Variants in NTNG1 observed in about 807,000 individuals in gnomAD.
NTNG1 encodes netrin G1, also known as netrin-G1.
NTNG1 carries 16 observed loss-of-function variants against 54.0 expected under a neutral mutation model. The observed-to-expected ratio is 0.30, with a 90% CI of 0.20 to 0.45. The LOEUF (loss-of-function observed/expected upper bound fraction) is 0.45. Ranked by LOEUF, NTNG1 falls within the 20% of genes least tolerant of loss-of-function variation. The pLI is 1.00. For synonymous variants in NTNG1, 255 were observed against 263.1 expected, an observed-to-expected ratio of 0.97 and a Z score of 0.30; for missense variants, 530 against 678.7, an observed-to-expected ratio of 0.78 and a Z score of 2.43.
intron 3 of NTNG1, among the ~76,000 whole-genome samples, chr1:107,344,861 T>TGCC (rs1669118487): frequency 6.6e-6 from 1 of 152,206 alleles, no homozygotes; most frequent in Non-Finnish European, 1.5e-5. Context: ...AGGTTAATTT[T>TGCC]TTAAACCTTG....
At chr1:107,371,606 G>C (rs976594343) in intron 3 of NTNG1, among the ~76,000 whole-genome samples, 3 of 151,938 alleles carry the variant, frequency 2.0e-5, no homozygotes, top group African/African-American at 7.2e-5. Flanking sequence ...TGAACTTGTA[G>C]TTAGACATCT....
At chr1:107,189,819 TAAA>T (rs66974543) in intron 2 of NTNG1, among the ~76,000 whole-genome samples, 6 of 143,532 alleles carry the variant, frequency 4.2e-5, no homozygotes, top group Admixed American at 6.9e-5. Context: ...AGTCAAAAGT[TAAA>T]AAAAAAAAAA....
chr1:107,274,582 G>A (rs1664346764), intron 2 of NTNG1, among the ~76,000 whole-genome samples: 1 of 152,124 alleles, frequency 6.6e-6, no homozygotes, highest in Admixed American at 6.5e-5. Flanking sequence ...AGGGATTTGG[G>A]GAACAGCAGA....
At chr1:107,273,701 A>G (rs139981028) in intron 2 of NTNG1, among the ~76,000 whole-genome samples, 2 of 152,306 alleles carry the variant, frequency 1.3e-5, no homozygotes, top group East Asian at 3.9e-4. Context: ...CTTCCTTATA[A>G]TGATGTTATT....
chr1:107,414,270 C>G (rs1674047886), intron 5 of NTNG1, among the ~76,000 whole-genome samples: 1 of 152,024 alleles, frequency 6.6e-6, no homozygotes, highest in African/African-American at 2.4e-5. Context: ...TTTTTATAAC[C>G]AAAATCTCCA....
chr1:107,212,764 A>G (rs1488558305), intron 2 of NTNG1, among the ~76,000 whole-genome samples: 5 of 152,102 alleles, frequency 3.3e-5, no homozygotes, highest in African/African-American at 4.8e-5. Context: ...AGTTTTTCCT[A>G]TAGATACCAG....
chr1:107,149,406 AAATCTTATTTGCC>A (rs1381673642), intron 2 of NTNG1, among the ~76,000 whole-genome samples: 2 of 152,110 alleles, frequency 1.3e-5, no homozygotes, highest in Non-Finnish European at 2.9e-5. Flanking sequence ...TTTTCCAGAA[AAATCTTATTTGCC>A]AACTCCCCTT....
chr1:107,416,847 C>A (rs1264971048), intron 5 of NTNG1, among the ~76,000 whole-genome samples: 1 of 151,972 alleles, frequency 6.6e-6, no homozygotes, highest in Non-Finnish European at 1.5e-5. Context: ...TTTGTTTCTG[C>A]ACAGAAAAAG....
chr1:107,385,792 G>A (rs556903138), intron 3 of NTNG1, among the ~76,000 whole-genome samples: 1 of 149,006 alleles, frequency 6.7e-6, no homozygotes, highest in Non-Finnish European at 1.5e-5. Flanking sequence ...TTTATCCACT[G>A]TTTTCTATTC....
At chr1:107,305,967 C>G (rs1666672270) in intron 2 of NTNG1, among the ~76,000 whole-genome samples, 1 of 152,046 alleles carries the variant, frequency 6.6e-6, no homozygotes, top group South Asian at 2.1e-4. Flanking sequence ...GCAAGCTTAT[C>G]CCCTTTCCTG....
intron 2 of NTNG1, among the ~76,000 whole-genome samples, chr1:107,253,258 A>T (rs774718336): frequency 2.6e-5 from 4 of 152,190 alleles, no homozygotes; most frequent in African/African-American, 4.8e-5. Context: ...CATGTTTGTT[A>T]TAAATGCAGT....
intron 3 of NTNG1, among the ~76,000 whole-genome samples, chr1:107,393,437 C>T (rs533494095): frequency 1.3e-5 from 2 of 152,186 alleles, no homozygotes; most frequent in African/African-American, 4.8e-5. Flanking sequence ...TAGGACCTAG[C>T]TCATAATTAA....
intron 2 of NTNG1, among the ~76,000 whole-genome samples, chr1:107,279,967 A>G (rs1176296567): frequency 2.0e-5 from 3 of 151,400 alleles, no homozygotes; most frequent in Middle Eastern, 3.4e-3. Flanking sequence ...TTGGCTTTCA[A>G]TGGCTTTTGG....
rs1029170057 is a variant in NTNG1 at position 107,453,568 on chromosome 1, A to G, written c.1390+16769A>G. ...GCCTCCCAGGGGGTTTCTTCGGTCCAGCATAAGCCTGGATTTCTTCTACAA... is the reference window on the plus strand; with the variant it reads ...GCCTCCCAGGGGGTTTCTTCGGTCCGGCATAAGCCTGGATTTCTTCTACAA... On this transcript the variant is annotated intron_variant, in intron 7 of 7. Transcript: ENST00000370068. 5.3e-5 allele frequency among the ~76,000 whole-genome samples: 8 copies of G among 152,318 alleles called. No homozygotes were observed. In the East Asian group the frequency reaches 1.2e-3, roughly 22 times the overall value.
chr1:107,251,382 C>A (rs1662595213), intron 2 of NTNG1, among the ~76,000 whole-genome samples: 1 of 152,188 alleles, frequency 6.6e-6, no homozygotes, highest in Non-Finnish European at 1.5e-5. Flanking sequence ...TGTATTCCAG[C>A]CAAACCATTC....
chr1:107,243,069 C>T (rs1448420393), intron 2 of NTNG1, among the ~76,000 whole-genome samples: 2 of 152,126 alleles, frequency 1.3e-5, no homozygotes, highest in African/African-American at 2.4e-5. Context: ...TGTTGAAAAT[C>T]CTCGTAACTT....
At chr1:107,329,905 C>CA (rs924173527) in intron 3 of NTNG1, among the ~76,000 whole-genome samples, 66 of 147,018 alleles carry the variant, frequency 4.5e-4, no homozygotes, top group South Asian at 3.7e-3. Flanking sequence ...ACAACAACGA[C>CA]AAAAAAAAAA....
chr1:107,398,427 G>T (rs1557965779), intron 4 of NTNG1, among the ~76,000 whole-genome samples: 1 of 152,106 alleles, frequency 6.6e-6, no homozygotes, highest in Non-Finnish European at 1.5e-5. Context: ...CCATAGATGG[G>T]AACTTGCTGG....
chr1:107,191,521 G>T (rs993794724), intron 2 of NTNG1, among the ~76,000 whole-genome samples: 4 of 152,088 alleles, frequency 2.6e-5, no homozygotes, highest in Non-Finnish European at 5.9e-5. Context: ...GTCCTCAATG[G>T]TATTGCCTAG....
Sources: allele counts gnomAD v4.1 joint callset (sites outside exome capture counted in the v4.1 genomes callset), GRCh38; gene constraint gnomAD v4.1.1; transcripts MANE v1.5; gene names NCBI Gene and HGNC (gene_info 2026-07-23, HGNC 2026-07-21).